The following KCNQ5 variants were observed in gnomAD, a reference collection of about 807,000 sequenced individuals.
KCNQ5 encodes potassium voltage-gated channel subfamily Q member 5.
KCNQ5 carries 30 observed loss-of-function variants against 98.2 expected under a neutral mutation model. That is an observed-to-expected ratio of 0.31 (90% CI 0.23 to 0.41). The LOEUF is 0.41. Ranked by LOEUF, KCNQ5 falls within the 10% of genes least tolerant of loss-of-function variation. The probability of loss-of-function intolerance (pLI) is 1.00; values close to 1 mark genes in which losing one functional copy is unlikely to be tolerated. For synonymous variants in KCNQ5, 458 were observed against 449.4 expected, an observed-to-expected ratio of 1.02 and a Z score of -0.24; for missense variants, 835 against 1,182.5, an observed-to-expected ratio of 0.71 and a Z score of 4.31.
chr6:72,645,036 G>A lies in KCNQ5; in HGVS notation c.398+22449G>A, dbSNP rs546573816. Among the ~76,000 whole-genome samples the A allele has an allele frequency of 2.8e-4, 42 of 151,910 alleles. No individual in the cohort carries two copies. In the South Asian group the frequency reaches 8.7e-3, roughly 32 times the overall value. ...TATTACCCCATATCCCAGCATGCTGGGATGGCCTGGACTTTGGGTACCTTT... is the reference window on the plus strand; with the variant it reads ...TATTACCCCATATCCCAGCATGCTGAGATGGCCTGGACTTTGGGTACCTTT... On this transcript the variant is annotated intron_variant, in intron 1 of 13. Transcript: ENST00000370398.
intron 1 of KCNQ5, among the ~76,000 whole-genome samples, chr6:72,690,517 C>G (rs1768162175): frequency 6.6e-6 from 1 of 152,084 alleles, no homozygotes; most frequent in South Asian, 2.1e-4. Context: ...TTTCTTGACA[C>G]CTACTATTGA....
intron 1 of KCNQ5, among the ~76,000 whole-genome samples, chr6:72,857,599 G>A (rs888815419): frequency 2.0e-5 from 3 of 152,188 alleles, no homozygotes; most frequent in African/African-American, 7.2e-5. Context: ...ACCTTAGAAT[G>A]TAAGTGAGCA....
intron 10 of KCNQ5, among the ~76,000 whole-genome samples, chr6:73,149,823 A>AGG (rs377124375): frequency 0.089 from 11,762 of 132,700 alleles, 1,522 homozygotes; most frequent in African/African-American, 0.28. Flanking sequence ...AGAGAGAGAG[A>AGG]GAGGGAGGGA....
intron 5 of KCNQ5, among the ~76,000 whole-genome samples, chr6:73,078,901 C>T (rs1773645664): frequency 6.6e-6 from 1 of 152,208 alleles, no homozygotes; most frequent in East Asian, 1.9e-4. Flanking sequence ...GTCATTGGAG[C>T]TATGCCGTAA....
In KCNQ5 at chr6:72,644,904, G is replaced by A. The variant is rs147443311; in HGVS notation, c.398+22317G>A. On this transcript the variant is annotated intron_variant, in intron 1 of 13. Transcript: ENST00000370398. ...CTCATAGTGAATATTCTCTGAATCA[G>A]GCTCCTGGAAAAGTTGGTCTACATA... 1.8e-4 allele frequency among the ~76,000 whole-genome samples: 27 copies of A among 152,196 alleles called. 1 individual carries two copies. Among genetic ancestry groups the A allele is most frequent in the Middle Eastern group, 3.4e-3 (1 of 294 alleles).
intron 1 of KCNQ5, among the ~76,000 whole-genome samples, chr6:72,818,874 TAAC>T: frequency 6.6e-6 from 1 of 151,762 alleles, no homozygotes; most frequent in South Asian, 2.1e-4. Flanking sequence ...GTGTTTTTAA[TAAC>T]AAGATAAAAT....
Position 72,763,443 on chromosome 6 carries a change from A to G in KCNQ5, c.398+140856A>G, listed in dbSNP as rs371228638. Among the ~76,000 whole-genome samples the G allele has an allele frequency of 3.3e-5, 5 of 152,184 alleles. No individual in the cohort carries two copies. In the East Asian group the frequency reaches 7.7e-4, roughly 24 times the overall value. On this transcript the variant is annotated intron_variant, in intron 1 of 13. Transcript: ENST00000370398. ...GTCATATTATTTCCCAAAAGTTTGC[A>G]AATTTCCAGTGTTTCTCCATAAATC...
intron 1 of KCNQ5, among the ~76,000 whole-genome samples, chr6:72,659,238 A>G (rs960332113): frequency 1.3e-5 from 2 of 152,164 alleles, no homozygotes; most frequent in African/African-American, 2.4e-5. Flanking sequence ...AAGGATGGCT[A>G]TAGACATTTC....
chr6:73,067,894 ATATATATATAT>A (rs1562159119), intron 3 of KCNQ5, among the ~76,000 whole-genome samples: 6 of 610 alleles, frequency 9.8e-3, no homozygotes, highest in African/African-American at 0.011. Flanking sequence ...ATATATATAT[ATATATATATAT>A]AACTAAAATT....
intron 1 of KCNQ5, among the ~76,000 whole-genome samples, chr6:72,681,275 A>G (rs1259091336): frequency 6.6e-6 from 1 of 152,236 alleles, no homozygotes; most frequent in African/African-American, 2.4e-5. Context: ...AACTACTATT[A>G]TGATAACAAT....
At chr6:72,846,280 C>T (rs1017648550) in intron 1 of KCNQ5, among the ~76,000 whole-genome samples, 8 of 152,154 alleles carry the variant, frequency 5.3e-5, no homozygotes, top group African/African-American at 1.9e-4. Flanking sequence ...ATCACCATTT[C>T]TCAAAGAGTT....
intron 1 of KCNQ5, among the ~76,000 whole-genome samples, chr6:72,789,478 G>C (rs1773921855): frequency 6.6e-6 from 1 of 152,094 alleles, no homozygotes; most frequent in South Asian, 2.1e-4. Context: ...AGGACATACA[G>C]TTTTCTTGAT....
intron 1 of KCNQ5, among the ~76,000 whole-genome samples, chr6:72,775,944 T>C (rs1408050359): frequency 1.3e-5 from 2 of 152,064 alleles, no homozygotes; most frequent in African/African-American, 4.8e-5. Context: ...AAAAATGATA[T>C]GAGGTAAAAA....
At chr6:72,786,526 A>G (rs1425684671) in intron 1 of KCNQ5, among the ~76,000 whole-genome samples, 2 of 152,228 alleles carry the variant, frequency 1.3e-5, no homozygotes, top group Non-Finnish European at 2.9e-5. Context: ...TCATTGAGGA[A>G]AGGTAGTGGC....
chr6:73,034,927 G>C (rs1229261885), intron 2 of KCNQ5, among the ~76,000 whole-genome samples: 1 of 146,466 alleles, frequency 6.8e-6, no homozygotes. Flanking sequence ...CTCACTGCAA[G>C]CTCCGCCTCC....
In KCNQ5 at chr6:72,813,970, T is replaced by C. The variant is rs942489190; in HGVS notation, c.399-189938T>C. 3.3e-5 allele frequency among the ~76,000 whole-genome samples: 5 copies of C among 152,182 alleles called. No homozygotes were observed. In the East Asian group the frequency reaches 9.7e-4, roughly 29 times the overall value. ...CAGTGGCTGGACTATGAGTTGGTTA[T>C]TCTGGGCTTGCTGACTGTATAAAGA... On this transcript the variant is annotated intron_variant, in intron 1 of 13. Transcript: ENST00000370398.
At chr6:72,979,737 T>C (rs1340627407) in intron 1 of KCNQ5, among the ~76,000 whole-genome samples, 3 of 152,238 alleles carry the variant, frequency 2.0e-5, no homozygotes, top group African/African-American at 7.2e-5. Flanking sequence ...GTTTTAGTCA[T>C]GAAGTCCTCG....
At chr6:72,986,321 C>G in intron 1 of KCNQ5, 1 of 338,988 alleles carries the variant, frequency 2.9e-6, no homozygotes, top group Admixed American at 4.3e-5. Flanking sequence ...GGAGCAGGCT[C>G]TCATGTGGAG....
chr6:72,789,029 C>T (rs1773896524), intron 1 of KCNQ5, among the ~76,000 whole-genome samples: 1 of 152,180 alleles, frequency 6.6e-6, no homozygotes, highest in Non-Finnish European at 1.5e-5. Flanking sequence ...CCAGTCCAAA[C>T]CATACTTTCT....
Sources: allele counts gnomAD v4.1 joint callset (sites outside exome capture counted in the v4.1 genomes callset), GRCh38; gene constraint gnomAD v4.1.1; transcripts MANE v1.5; gene names NCBI Gene and HGNC (gene_info 2026-07-23, HGNC 2026-07-21).